Variants in NR2F2 observed in about 807,000 individuals in gnomAD.
The protein encoded by NR2F2 is COUP transcription factor 2.
In NR2F2, 2 loss-of-function variants were observed where a neutral mutation model predicts 34.8. The ratio of observed to expected loss-of-function variants is 0.06; its 90% confidence interval spans 0.02 to 0.18. The LOEUF (loss-of-function observed/expected upper bound fraction) is 0.18. NR2F2 is among the 10% of genes least tolerant of loss of function. The pLI is 1.00. For synonymous variants in NR2F2, 274 were observed against 251.8 expected (o/e 1.09, Z -0.84); for missense variants, 300 against 580.1 (o/e 0.52, Z 4.96).
At position 96,331,358 on chromosome 15, in the gene NR2F2, C is replaced by A; in HGVS notation, c.-748C>A. Reference sequence around the variant, plus strand: ...GCGGACCACTTTCATGCTGATTCCCCCGGACCCGGGCAGCGCTCCGGCCAC... The same window carrying A: ...GCGGACCACTTTCATGCTGATTCCCACGGACCCGGGCAGCGCTCCGGCCAC... On this transcript the variant is annotated 5_prime_UTR_variant, in exon 1 of 3. Transcript: ENST00000394166. The A allele has an allele frequency of 8.2e-7, 1 of 1,216,346 alleles. No individual in the cohort carries two copies. The highest frequency in any genetic ancestry group is 1.0e-6 in the Non-Finnish European group (1 of 978,194). 75.3% of individuals were successfully genotyped at this position (1,216,346 alleles called of 1,614,324 possible).
rs774418448 is a variant in NR2F2, at chr15:96,337,494, G to A, written c.1117G>A (p.Val373Ile). The A allele has an allele frequency of 1.9e-6, 3 of 1,614,040 alleles. No homozygotes were observed. Among genetic ancestry groups the A allele is most frequent in the Non-Finnish European group, 8.5e-7 (1 of 1,180,030 alleles). ...LLLRLPSLRT[V>I]SSSVIEQLFF... Reference sequence around the variant, plus strand: ...GCTTCGCCTCCCTTCCCTCCGCACCGTCTCCTCCTCAGTCATAGAGCAATT... The same window carrying A: ...GCTTCGCCTCCCTTCCCTCCGCACCATCTCCTCCTCAGTCATAGAGCAATT... Residue 373 changes from valine (V) to isoleucine (I), a missense_variant, in exon 3 of 3, where the codon GTC becomes ATC. Physicochemically the swap from Val to Ile is conservative, Grantham distance 29. Transcript: ENST00000394166.
intron 2 of NR2F2, among the ~76,000 whole-genome samples, chr15:96,335,599 A>T (rs1405031451): frequency 6.6e-6 from 1 of 152,204 alleles, no homozygotes; most frequent in Non-Finnish European, 1.5e-5. Context: ...GAGAGGGGAA[A>T]GGGGTTCCCG....
chr15:96,333,890 C>T (rs1899237772), intron 1 of NR2F2, 186 bp from the exon 2 acceptor site: 7 of 1,438,070 alleles, frequency 4.9e-6, no homozygotes, highest in Non-Finnish European at 5.5e-6. Context: ...CAGAGCTCGC[C>T]TGGGTGGTGG....
chr15:96,333,758 T>C (rs950936300), intron 1 of NR2F2: 3 of 1,340,812 alleles, frequency 2.2e-6, no homozygotes, highest in South Asian at 2.2e-5. Context: ...AGAAGAAAGA[T>C]GCCCTCAGAA....
In NR2F2 at chr15:96,331,591, C is replaced by CCTCCTCCTCCGCCAA. The variant is rs1899144847; in HGVS notation, c.-508_-494dup. On this transcript the variant is annotated 5_prime_UTR_variant, in exon 1 of 3. Coordinates refer to ENST00000394166, the MANE Select transcript of NR2F2 (RefSeq NM_021005.4). The stretch of plus-strand genomic sequence containing the variant: ...ACCTCCTCTTCCTCCTCCTCCTCCT[C>CCTCCTCCTCCGCCAA]CTCCTCCTCCGCCAACTCCTCGGCT... 8.2e-7 allele frequency: 1 copy of CCTCCTCCTCCGCCAA among 1,220,678 alleles called. No homozygotes were observed. Among genetic ancestry groups the CCTCCTCCTCCGCCAA allele is most frequent in the Non-Finnish European group, 1.0e-6 (1 of 980,256 alleles). The allele number at this position is 1,220,678 out of a possible 1,614,324, so 75.6% of individuals were successfully genotyped here. A position where few individuals can be genotyped will look rare whatever the true frequency, so the allele number is the denominator to read the frequency against.
At position 96,339,891 on chromosome 15, in the gene NR2F2, G is replaced by C. The variant is rs988574940; in HGVS notation, c.*2269G>C. 3 of 151,476 alleles carry C rather than the reference G, an allele frequency of 2.0e-5. No individual in the cohort carries two copies. The highest frequency in any genetic ancestry group is 1.3e-4 in the Admixed American group (2 of 15,202). The allele number at this position is 151,476 out of a possible 1,614,324, so 9.4% of individuals were successfully genotyped here. On this transcript the variant is annotated 3_prime_UTR_variant, in exon 3 of 3. Coordinates refer to ENST00000394166, the MANE Select transcript of NR2F2 (RefSeq NM_021005.4). Reference sequence around the variant, plus strand: ...GGGAGGACTAGTGAGGGAGGTGAAAGAACAGGGATAATTTTGTAAAGTGTA... The same window carrying C: ...GGGAGGACTAGTGAGGGAGGTGAAACAACAGGGATAATTTTGTAAAGTGTA...
Position 96,337,474 on chromosome 15 carries a change from G to A in NR2F2, c.1097G>A (p.Arg366His). The A allele has an allele frequency of 6.2e-7, 1 of 1,614,058 alleles. No individual in the cohort carries two copies. The highest frequency in any genetic ancestry group is 8.5e-7 in the Non-Finnish European group (1 of 1,180,034). ...ACGAGATTCGGAAAGCTTTTGCTTC[G>A]CCTCCCTTCCCTCCGCACCGTCTCC... ...QPTRFGKLLL[R>H]LPSLRTVSSS... is the part of the protein sequence containing the mutation. Residue 366 changes from arginine to histidine, a missense_variant, in exon 3 of 3, where the codon CGC (arginine) becomes CAC (histidine). By Grantham distance (29) the Arg-to-His change is conservative. Coordinates refer to ENST00000394166, the MANE Select transcript of NR2F2 (RefSeq NM_021005.4).
At position 96,330,762 on chromosome 15, in the gene NR2F2, T is replaced by A. The variant is rs1456262507; in HGVS notation, c.-1344T>A. On this transcript the variant is annotated 5_prime_UTR_variant, in exon 1 of 3. Coordinates refer to ENST00000394166, the MANE Select transcript of NR2F2 (RefSeq NM_021005.4). Reference sequence around the variant, plus strand: ...GCATTCCCTCCCGCGCCCCCCTTTTTAGCATATTTGATCACTTTGATTCTC... The same window carrying A: ...GCATTCCCTCCCGCGCCCCCCTTTTAAGCATATTTGATCACTTTGATTCTC... The A allele has an allele frequency of 1.2e-5, 10 of 840,580 alleles. No individual in the cohort carries two copies. The highest frequency in any genetic ancestry group is 1.5e-5 in the Non-Finnish European group (10 of 674,252). 52.1% of individuals were successfully genotyped at this position (840,580 alleles called of 1,614,324 possible). A position where few individuals can be genotyped will look rare whatever the true frequency, so the allele number is the denominator to read the frequency against.
At chr15:96,328,354 G>A (rs1280073721), upstream of NR2F2, among the ~76,000 whole-genome samples, 1 of 152,170 alleles carries the variant, frequency 6.6e-6, no homozygotes, top group African/African-American at 2.4e-5. Flanking sequence ...CCTCGATATT[G>A]TTCCTTCCCA....
intron 1 of NR2F2, chr15:96,333,521 T>G: frequency 2.0e-6 from 2 of 1,007,540 alleles, no homozygotes; most frequent in South Asian, 4.4e-5. Context: ...GCACACTGAT[T>G]AGACAGACGC....
chr15:96,333,309 T>G (rs1309775380), intron 1 of NR2F2: 7 of 995,692 alleles, frequency 7.0e-6, no homozygotes, highest in Non-Finnish European at 8.5e-6. Flanking sequence ...ACGCCGGGGT[T>G]TCTTTGTGTT....
At chr15:96,330,529 G>GCGGGGCCGCCGCAGTC (rs1899102835), upstream of NR2F2, among the ~76,000 whole-genome samples, 1 of 147,582 alleles carries the variant, frequency 6.8e-6, no homozygotes, top group Non-Finnish European at 1.5e-5. Context: ...GGCCGCCATG[G>GCGGGGCCGCCGCAGTC]CGGGGCCGCC....
upstream of NR2F2, among the ~76,000 whole-genome samples, chr15:96,329,747 T>G (rs964957386): frequency 2.0e-5 from 3 of 152,124 alleles, no homozygotes; most frequent in African/African-American, 7.2e-5. Context: ...TCACCATGAC[T>G]GGGTGTGTGG....
In NR2F2 at chr15:96,337,796, T is replaced by A; in HGVS notation, c.*174T>A. The A allele has an allele frequency of 2.9e-6, 1 of 348,430 alleles. No individual in the cohort carries two copies. The highest frequency in any genetic ancestry group is 4.7e-6 in the Non-Finnish European group (1 of 212,808). 21.6% of individuals were successfully genotyped at this position (348,430 alleles called of 1,614,324 possible). A position where few individuals can be genotyped will look rare whatever the true frequency, so the allele number is the denominator to read the frequency against. On this transcript the variant is annotated 3_prime_UTR_variant, in exon 3 of 3. Transcript: ENST00000394166. ...ATTTCAAAAAAAAAAAAAAAGACTG[T>A]CAAATGAACTTTTACAGAATGCATT...
chr15:96,330,507 G>A (rs1437803949), upstream of NR2F2, among the ~76,000 whole-genome samples: 8 of 143,970 alleles, frequency 5.6e-5, no homozygotes, highest in African/African-American at 2.0e-4. Context: ...GCTAGGACCG[G>A]GCTGCGCCCG....
Position 96,331,001 on chromosome 15 carries a change from T to C in NR2F2, c.-1105T>C, listed in dbSNP as rs1335742197. 4.1e-6 allele frequency: 5 copies of C among 1,217,166 alleles called. No homozygotes were observed. In the East Asian group the frequency reaches 1.3e-4, roughly 32 times the overall value. The allele number at this position is 1,217,166 out of a possible 1,614,324, so 75.4% of individuals were successfully genotyped here. A position where few individuals can be genotyped will look rare whatever the true frequency, so the allele number is the denominator to read the frequency against. ...CCTCCTCTCTCTCTTTTATCATTTC[T>C]CCCCCGCCGCCGGCGAGTTGACTCT... On this transcript the variant is annotated 5_prime_UTR_variant, in exon 1 of 3. Coordinates refer to ENST00000394166, the MANE Select transcript of NR2F2 (RefSeq NM_021005.4).
chr15:96,331,658 G>A lies in NR2F2; in HGVS notation c.-448G>A, dbSNP rs994536530. 2.1e-5 allele frequency: 24 copies of A among 1,131,696 alleles called. No homozygotes were observed. In the African/African-American group the frequency reaches 3.6e-4, roughly 17 times the overall value. The allele number at this position is 1,131,696 out of a possible 1,614,324, so 70.1% of individuals were successfully genotyped here. On this transcript the variant is annotated 5_prime_UTR_variant, in exon 1 of 3. Coordinates refer to ENST00000394166, the MANE Select transcript of NR2F2 (RefSeq NM_021005.4). The stretch of plus-strand genomic sequence containing the variant: ...AGCGAGAGTGAACGAGAGAGGGAGG[G>A]AGAGAGTGAGAGCGAGCGAGATCTT...
chr15:96,334,692 G>C, intron 2 of NR2F2, 89 bp downstream of exon 2: 1 of 1,437,066 alleles, frequency 7.0e-7, no homozygotes, highest in Non-Finnish European at 9.4e-7. Flanking sequence ...GGCAAACCCA[G>C]TCTGCTCCTT....
Position 96,337,445 on chromosome 15 carries a change from G to A in NR2F2, c.1068G>A (p.Gln356=), listed in dbSNP as rs1344366661. 31 of 1,614,134 alleles carry A rather than the reference G, an allele frequency of 1.9e-5. No homozygotes were observed. The highest frequency in any genetic ancestry group is 2.6e-5 in the Non-Finnish European group (31 of 1,180,036). ...ACGTTAGGAGCCAGTACCCCAACCAGCCGACGAGATTCGGAAAGCTTTTGC... is the reference window on the plus strand; with the variant it reads ...ACGTTAGGAGCCAGTACCCCAACCAACCGACGAGATTCGGAAAGCTTTTGC... ...EEYVRSQYPN[Q]PTRFGKLLLR... is the part of the protein sequence containing the mutation. Residue 356 remains glutamine, a synonymous_variant, in exon 3 of 3, where the codon CAG becomes CAA. Transcript: ENST00000394166.
Sources: allele counts gnomAD v4.1 joint callset (sites outside exome capture counted in the v4.1 genomes callset), GRCh38; gene constraint gnomAD v4.1.1; transcripts MANE v1.5; gene names NCBI Gene and HGNC (gene_info 2026-07-23, HGNC 2026-07-21).